Variants in IMMT observed in about 807,000 individuals in gnomAD.
The protein encoded by IMMT is MICOS complex subunit MIC60.
In IMMT, 40 loss-of-function variants were observed where a neutral mutation model predicts 92.7. The observed-to-expected ratio is 0.43, with a 90% CI of 0.34 to 0.56. IMMT has a LOEUF of 0.56. Among genes scored for constraint, IMMT ranks in the 20% least tolerant of loss-of-function variants. IMMT has a pLI of 0.03. For synonymous variants in IMMT, 322 were observed against 336.1 expected (o/e 0.96, Z 0.46); for missense variants, 831 against 912.1 (o/e 0.91, Z 1.14).
In IMMT at chr2:86,147,723, T is replaced by A. The variant is rs747451990; in HGVS notation, c.1512A>T (p.Glu504Asp). The A allele has an allele frequency of 6.2e-7, 1 of 1,613,520 alleles. No individual in the cohort carries two copies. Among genetic ancestry groups the A allele is most frequent in the Middle Eastern group, 1.7e-4 (1 of 6,058 alleles). The change falls in exon 13 of 15, where the codon GAA becomes GAT. Residue 504 changes from glutamate (E) to aspartate (D), a missense_variant. Transcript: ENST00000410111. ...TCACCTGCTCAAATTCAGACTTCAA[T>A]TCCTGTTCTTGTACCCTAAGGACAT... ...LRDVLRVQEQ[E>D]LKSEFEQNLS...
In IMMT at chr2:86,166,522, T is replaced by C. The variant is rs1676689130; in HGVS notation, c.778A>G (p.Met260Val). 7 of 1,611,838 alleles carry C rather than the reference T, an allele frequency of 4.3e-6. No homozygotes were observed. Among genetic ancestry groups the C allele is most frequent in the Middle Eastern group, 4.0e-4 (2 of 5,020 alleles). The change falls in exon 7 of 15, where the codon ATG becomes GTG. Residue 260 changes from methionine (M) to valine (V), a missense_variant. Physicochemically the swap from Met to Val is conservative, Grantham distance 21. Transcript: ENST00000410111. The stretch of plus-strand genomic sequence containing the variant: ...ATTGGGCTCACCTCAGAATTGTCCA[T>C]GGCGGCTTTCAATATGTTGGAGTGT... ...NAHSNILKAAMDNSEIAGEKK... is the reference protein window; with the variant it reads ...NAHSNILKAAVDNSEIAGEKK...
intron 11 of IMMT, among the ~76,000 whole-genome samples, chr2:86,152,017 A>G (rs1675498109): frequency 6.6e-6 from 1 of 152,242 alleles, no homozygotes. Context: ...CACAGCAACC[A>G]GAGCTGTCCA....
rs142050792 is a variant in IMMT at position 86,183,519 on chromosome 2, G to C, written c.46-2147C>G. ...CTCTCCATCCTCCCTTTGACAGAAT[G>C]TGTTTTGACTATAAGTTAAAAGCTC... is the stretch of plus-strand genomic sequence containing the variant. On this transcript the variant is annotated intron_variant, in intron 1 of 14. Coordinates refer to ENST00000410111, the MANE Select transcript of IMMT (RefSeq NM_006839.3). 4.2e-3 allele frequency among the ~76,000 whole-genome samples: 644 copies of C among 152,114 alleles called. 5 individuals carry two copies. The highest frequency in any genetic ancestry group is 0.015 in the African/African-American group (615 of 41,478).
chr2:86,177,899 G>A (rs952386134), intron 3 of IMMT, among the ~76,000 whole-genome samples: 1 of 152,284 alleles, frequency 6.6e-6, no homozygotes, highest in Non-Finnish European at 1.5e-5. Context: ...CTCTACCCAA[G>A]TATCTCCTCC....
chr2:86,173,003 T>C (rs1475016829), intron 4 of IMMT, among the ~76,000 whole-genome samples: 1 of 152,236 alleles, frequency 6.6e-6, no homozygotes, highest in Non-Finnish European at 1.5e-5. Context: ...GAAAAAATTT[T>C]TTAACTGTTT....
At chr2:86,159,460 G>A (rs1676107566) in intron 9 of IMMT, 76 bp downstream of exon 9, 1 of 1,181,740 alleles carries the variant, frequency 8.5e-7, no homozygotes. Flanking sequence ...GGAATTTGCT[G>A]TTTTCCTAAA....
In IMMT at chr2:86,171,355, T is replaced by C; in HGVS notation, c.422-10A>G. On this transcript the variant is annotated splice_polypyrimidine_tract_variant and intron_variant, in intron 4 of 14. Coordinates refer to ENST00000410111, the MANE Select transcript of IMMT (RefSeq NM_006839.3). ...GCCGCTTCTGTAGGTGCTATAAATA[T>C]ATGTTACTCATGGTATTTATACTTT... 6.2e-7 allele frequency: 1 copy of C among 1,607,506 alleles called. No individual in the cohort carries two copies. Among genetic ancestry groups the C allele is most frequent in the East Asian group, 2.2e-5 (1 of 44,816 alleles).
intron 4 of IMMT, among the ~76,000 whole-genome samples, chr2:86,173,013 T>C (rs756724600): frequency 6.6e-6 from 1 of 152,232 alleles, no homozygotes; most frequent in Non-Finnish European, 1.5e-5. Context: ...TTTAACTGTT[T>C]TTGTTCATGG....
In IMMT at chr2:86,157,643, T is replaced by A. The variant is rs558679058; in HGVS notation, c.1162+949A>T. On this transcript the variant is annotated intron_variant, in intron 10 of 14. Transcript: ENST00000410111. ...TCTACTAAAAGTACAAAAAAATTGGTTGGGCGCAGTGGCTCACACCTGTAA... is the reference window on the plus strand; with the variant it reads ...TCTACTAAAAGTACAAAAAAATTGGATGGGCGCAGTGGCTCACACCTGTAA... Among the ~76,000 whole-genome samples the A allele has an allele frequency of 1.3e-4, 19 of 151,672 alleles. No individual in the cohort carries two copies. In the East Asian group the frequency reaches 3.7e-3, roughly 30 times the overall value.
At chr2:86,152,787 C>G (rs1675569009) in intron 11 of IMMT, among the ~76,000 whole-genome samples, 1 of 151,892 alleles carries the variant, frequency 6.6e-6, no homozygotes, top group South Asian at 2.1e-4. Context: ...GACTCCATCA[C>G]TTCTTAGTCT....
chr2:86,191,970 G>A (rs528549673), intron 1 of IMMT, among the ~76,000 whole-genome samples: 24 of 152,048 alleles, frequency 1.6e-4, no homozygotes, highest in Non-Finnish European at 3.1e-4. Context: ...TATGGCTCAC[G>A]CCTGTAATCC....
At chr2:86,190,755 C>T (rs910879860) in intron 1 of IMMT, among the ~76,000 whole-genome samples, 1 of 152,050 alleles carries the variant, frequency 6.6e-6, no homozygotes, top group Admixed American at 6.6e-5. Context: ...TTTGGGAGCC[C>T]AAGGCGGGCA....
intron 13 of IMMT, among the ~76,000 whole-genome samples, chr2:86,147,247 C>T (rs1675089134): frequency 6.6e-6 from 1 of 152,142 alleles, no homozygotes; most frequent in African/African-American, 2.4e-5. Context: ...GAAGATTTTA[C>T]TTAGAAAACC....
Position 86,158,580 on chromosome 2 carries a change from A to G in IMMT, c.1162+12T>C, listed in dbSNP as rs573028407. On this transcript the variant is annotated intron_variant, in intron 10 of 14. Coordinates refer to ENST00000410111, the MANE Select transcript of IMMT (RefSeq NM_006839.3). The stretch of plus-strand genomic sequence containing the variant: ...AACATCAAAAAAAAAACATTACTTC[A>G]GTTGTACTCACTCATTCCTTTCCAC... 4.7e-5 allele frequency: 75 copies of G among 1,583,700 alleles called. No homozygotes were observed. In the South Asian group the frequency reaches 8.4e-4, roughly 18 times the overall value.
In IMMT at chr2:86,146,215, T is replaced by A; in HGVS notation, c.1534-18A>T. The A allele has an allele frequency of 6.3e-7, 1 of 1,592,818 alleles. No homozygotes were observed. Among genetic ancestry groups the A allele is most frequent in the Admixed American group, 1.7e-5 (1 of 58,872 alleles). ...GACAGGTTCTGAAATAAAACAGAAA[T>A]AGTTCCAGAAAAAAGTGATACTCAA... is the stretch of plus-strand genomic sequence containing the variant. On this transcript the variant is annotated intron_variant, in intron 13 of 14. Transcript: ENST00000410111.
At chr2:86,148,105 G>C (rs557543648) in intron 12 of IMMT, among the ~76,000 whole-genome samples, 5 of 152,274 alleles carry the variant, frequency 3.3e-5, no homozygotes, top group Non-Finnish European at 5.9e-5. Context: ...ACATCACCAG[G>C]CTGCCTCTCA....
intron 10 of IMMT, among the ~76,000 whole-genome samples, chr2:86,154,024 G>C (rs967528232): frequency 1.3e-5 from 2 of 151,870 alleles, no homozygotes; most frequent in Non-Finnish European, 2.9e-5. Context: ...CACCATACCC[G>C]GCTAATTTTT....
intron 8 of IMMT, chr2:86,160,099 G>A (rs1466531626): frequency 1.3e-5 from 2 of 152,794 alleles, no homozygotes; most frequent in East Asian, 1.9e-4. Context: ...ACACAGAGAG[G>A]CTTTTCTCAT....
intron 1 of IMMT, among the ~76,000 whole-genome samples, chr2:86,186,129 A>G (rs1672752301): frequency 6.6e-6 from 1 of 152,190 alleles, no homozygotes; most frequent in Admixed American, 6.5e-5. Flanking sequence ...CACCAAAAAA[A>G]GTGTTTAAGA....
Sources: gnomAD v4.1 joint callset for allele counts (sites outside exome capture counted in the v4.1 genomes callset) on GRCh38, gnomAD v4.1.1 for gene constraint, MANE v1.5 for transcripts, NCBI Gene and HGNC (gene_info 2026-07-23, HGNC 2026-07-21) for gene names.